SLC25A26: variants seen among roughly 807,000 people sequenced by gnomAD.
The protein encoded by SLC25A26 is mitochondrial S-adenosylmethionine carrier protein.
Under a neutral mutation model 37.8 loss-of-function variants are expected in SLC25A26, and 36 were observed. That is an observed-to-expected ratio of 0.95 (90% confidence interval 0.73 to 1.26). The LOEUF (loss-of-function observed/expected upper bound fraction) is 1.26. Ranked by LOEUF, SLC25A26 falls within the 50% of genes most tolerant of loss-of-function variation. The probability of loss-of-function intolerance (pLI) is 0.00; values close to 1 mark genes in which losing one functional copy is unlikely to be tolerated. For synonymous variants in SLC25A26, 129 were observed against 122.5 expected, an observed-to-expected ratio of 1.05 and a Z score of -0.35; for missense variants, 390 against 331.1, an observed-to-expected ratio of 1.18 and a Z score of -1.38.
intron 1 of SLC25A26, 122 bp downstream of exon 1, chr3:66,221,249 C>A: frequency 1.8e-6 from 2 of 1,108,934 alleles, no homozygotes; most frequent in Non-Finnish European, 2.4e-6. Flanking sequence ...GGGTTACTGG[C>A]AGCCAGGTCT....
At chr3:66,301,748 T>G (rs1447127483) in intron 5 of SLC25A26, among the ~76,000 whole-genome samples, 3 of 152,202 alleles carry the variant, frequency 2.0e-5, no homozygotes, top group East Asian at 1.9e-4. Context: ...TACAGAGAGA[T>G]ACAGAATTAA....
At chr3:66,372,875 A>C (rs1700424832) in intron 9 of SLC25A26, among the ~76,000 whole-genome samples, 1 of 151,912 alleles carries the variant, frequency 6.6e-6, no homozygotes, top group Non-Finnish European at 1.5e-5. Context: ...GCGTGCACTA[A>C]GTTTACTAGG....
chr3:66,365,321 T>C (rs2076801183), intron 7 of SLC25A26, among the ~76,000 whole-genome samples: 2 of 152,234 alleles, frequency 1.3e-5, no homozygotes, highest in Admixed American at 1.3e-4. Flanking sequence ...CTCTTTCTTG[T>C]TCATGCTTGT....
intron 6 of SLC25A26, among the ~76,000 whole-genome samples, chr3:66,359,057 C>T (rs1392328510): frequency 6.6e-6 from 1 of 152,066 alleles, no homozygotes; most frequent in African/African-American, 2.4e-5. Context: ...TGTCAAATAC[C>T]AAATTATTTC....
intron 5 of SLC25A26, among the ~76,000 whole-genome samples, chr3:66,344,927 A>G (rs1408409122): frequency 1.3e-5 from 2 of 152,224 alleles, no homozygotes; most frequent in Non-Finnish European, 2.9e-5. Flanking sequence ...TTTAGGCGTT[A>G]CACAGCGTCT....
At chr3:66,230,620 A>G (rs1249659087) in intron 1 of SLC25A26, among the ~76,000 whole-genome samples, 1 of 151,562 alleles carries the variant, frequency 6.6e-6, no homozygotes, top group Non-Finnish European at 1.5e-5. Context: ...CCTGATCAAC[A>G]TGGAGAAACC....
intron 5 of SLC25A26, among the ~76,000 whole-genome samples, chr3:66,330,662 T>A (rs538769861): frequency 1.4e-5 from 1 of 70,204 alleles, no homozygotes; most frequent in South Asian, 5.6e-4. Context: ...TGGGTAGGCA[T>A]TTTTTTTTTG....
intron 1 of SLC25A26, among the ~76,000 whole-genome samples, chr3:66,150,746 G>T (rs1225523725): frequency 6.8e-6 from 1 of 147,386 alleles, no homozygotes; most frequent in African/African-American, 2.5e-5. Context: ...CTTGTCCCCT[G>T]GACTGGCTGG....
chr3:66,230,829 A>C (rs1386795550), intron 1 of SLC25A26, among the ~76,000 whole-genome samples: 6 of 146,992 alleles, frequency 4.1e-5, no homozygotes, highest in African/African-American at 1.0e-4. Context: ...ACAAAAAAAA[A>C]CCAGAATTTT....
At chr3:66,370,977 A>G (rs1396034703) in intron 9 of SLC25A26, among the ~76,000 whole-genome samples, 2 of 152,226 alleles carry the variant, frequency 1.3e-5, no homozygotes, top group Non-Finnish European at 2.9e-5. Context: ...GCTTTTAACT[A>G]TTATTAGTAA....
At chr3:66,336,019 T>C (rs1342297253) in intron 5 of SLC25A26, among the ~76,000 whole-genome samples, 3 of 152,230 alleles carry the variant, frequency 2.0e-5, no homozygotes, top group African/African-American at 7.2e-5. Flanking sequence ...TTAATGTTTT[T>C]CATGATTCTT....
At chr3:66,213,268 C>CA (rs2071310721) in intron 1 of SLC25A26, among the ~76,000 whole-genome samples, 1 of 151,766 alleles carries the variant, frequency 6.6e-6, no homozygotes, top group Non-Finnish European at 1.5e-5. Flanking sequence ...GGTGTGGTAG[C>CA]CCATACCTGT....
At chr3:66,369,050 C>CA (rs962307090) in intron 7 of SLC25A26, among the ~76,000 whole-genome samples, 1,645 of 18,642 alleles carry the variant, frequency 0.088, 51 homozygotes, top group African/African-American at 0.33. Flanking sequence ...AAAACAAAAA[C>CA]AAAAAAAAAA....
rs973822246 is a variant in SLC25A26 at position 66,273,913 on chromosome 3, T to C, written c.453+10534T>C. Among the ~76,000 whole-genome samples the C allele has an allele frequency of 5.3e-5, 8 of 152,164 alleles. No homozygotes were observed. In the East Asian group the frequency reaches 1.5e-3, roughly 29 times the overall value. On this transcript the variant is annotated intron_variant, in intron 5 of 9. Transcript: ENST00000354883. Reference sequence around the variant, plus strand: ...GGAAAAAACTACTTTAAAGTTCATATGGAACCAAAAAAGAGCCCGCATCGC... The same window carrying C: ...GGAAAAAACTACTTTAAAGTTCATACGGAACCAAAAAAGAGCCCGCATCGC...
chr3:66,279,785 C>T (rs1450347470), intron 5 of SLC25A26, among the ~76,000 whole-genome samples: 1 of 152,084 alleles, frequency 6.6e-6, no homozygotes. Context: ...AACTGATTAC[C>T]AAGTTTCTGA....
At chr3:66,236,869 C>A in intron 2 of SLC25A26, 169 bp downstream of exon 2, 1 of 243,176 alleles carries the variant, frequency 4.1e-6, no homozygotes, top group Non-Finnish European at 6.6e-6. Flanking sequence ...CACGGTCTCA[C>A]TTTGTCGCCC....
intron 5 of SLC25A26, among the ~76,000 whole-genome samples, chr3:66,320,532 G>A (rs972661415): frequency 3.9e-5 from 6 of 152,142 alleles, no homozygotes; most frequent in African/African-American, 1.2e-4. Context: ...TTGTGAATAA[G>A]GCTGCTGTGA....
At chr3:66,276,491 A>C (rs1440966991) in intron 5 of SLC25A26, among the ~76,000 whole-genome samples, 1 of 152,142 alleles carries the variant, frequency 6.6e-6, no homozygotes, top group Admixed American at 6.6e-5. Context: ...AGAGGATTCT[A>C]AAGGATAGAA....
chr3:66,312,561 A>C (rs1213538835), intron 5 of SLC25A26, among the ~76,000 whole-genome samples: 1 of 151,900 alleles, frequency 6.6e-6, no homozygotes, highest in Non-Finnish European at 1.5e-5. Flanking sequence ...GAAAAAAAAA[A>C]ACTCCTGCAC....
Sources: allele counts gnomAD v4.1 joint callset (sites outside exome capture counted in the v4.1 genomes callset), GRCh38; gene constraint gnomAD v4.1.1; transcripts MANE v1.5; gene names NCBI Gene and HGNC (gene_info 2026-07-23, HGNC 2026-07-21).